The following CLIP2 variants were observed in gnomAD, a reference collection of about 807,000 sequenced individuals.
CLIP2 encodes the protein CAP-Gly domain-containing linker protein 2.
Under a neutral mutation model 111.7 loss-of-function variants are expected in CLIP2, and 41 were observed. The observed-to-expected ratio is 0.37, with a 90% CI of 0.29 to 0.48. The LOEUF is 0.48. Among genes scored for constraint, CLIP2 ranks in the 20% least tolerant of loss-of-function variants. The probability of loss-of-function intolerance (pLI) is 0.99; values close to 1 mark genes in which losing one functional copy is unlikely to be tolerated. For synonymous variants in CLIP2, 660 were observed against 644.2 expected (o/e 1.02, Z -0.37); for missense variants, 1,160 against 1,422.1 (o/e 0.82, Z 2.96).
intron 16 of CLIP2, among the ~76,000 whole-genome samples, chr7:74,402,343 AC>A (rs1464300862): frequency 2.8e-5 from 4 of 143,556 alleles, no homozygotes; most frequent in African/African-American, 1.0e-4. Context: ...AAAAAAAAAA[AC>A]CAAAAAAAAA....
intron 1 of CLIP2, among the ~76,000 whole-genome samples, chr7:74,300,748 G>A (rs1402896854): frequency 6.6e-6 from 1 of 152,194 alleles, no homozygotes; most frequent in Admixed American, 6.5e-5. Context: ...GAGCCACCGT[G>A]CCCGGCCTGA....
intron 1 of CLIP2, among the ~76,000 whole-genome samples, chr7:74,305,867 C>CG (rs1276493172): frequency 3.2e-5 from 4 of 125,100 alleles, no homozygotes; most frequent in South Asian, 3.1e-4. Flanking sequence ...CCCCCCCCAC[C>CG]GCCCCTGCTG....
At chr7:74,378,168 C>G (rs1790848684) in intron 10 of CLIP2, among the ~76,000 whole-genome samples, 1 of 150,952 alleles carries the variant, frequency 6.6e-6, no homozygotes, top group Non-Finnish European at 1.5e-5. Context: ...TGTTCTGTCT[C>G]CCAGGCTGGA....
intron 7 of CLIP2, among the ~76,000 whole-genome samples, chr7:74,361,274 A>G (rs1354270368): frequency 2.8e-5 from 4 of 145,040 alleles, no homozygotes; most frequent in Non-Finnish European, 6.0e-5. Context: ...CTGGAGTACA[A>G]TGGTGCGATC....
intron 5 of CLIP2, among the ~76,000 whole-genome samples, chr7:74,356,927 G>A (rs531546622): frequency 6.6e-6 from 1 of 152,280 alleles, no homozygotes; most frequent in South Asian, 2.1e-4. Flanking sequence ...GAAAAGAGGA[G>A]GCTGCTTGGT....
rs1277195906 is a variant in CLIP2, at chr7:74,338,738, A to C, written c.412A>C (p.Ile138Leu). ...RYFECPALQGIFTRPSKLTRQ... is the reference protein window; with the variant it reads ...RYFECPALQGLFTRPSKLTRQ... ...CTTCGAGTGCCCGGCCCTCCAGGGTATCTTCACGCGGCCCTCCAAGCTGAC... is the reference window on the plus strand; with the variant it reads ...CTTCGAGTGCCCGGCCCTCCAGGGTCTCTTCACGCGGCCCTCCAAGCTGAC... Residue 138 changes from isoleucine (I) to leucine (L), a missense_variant, in exon 3 of 17, where the codon ATC (isoleucine) becomes CTC (leucine). By Grantham distance (5) the Ile-to-Leu change is conservative. Around this residue, in one of 5 missense-constraint regions of CLIP2, gnomAD observed 301 missense variants for 315.2 expected, o/e 0.96. Transcript: ENST00000223398. The surrounding 1 kb of genome is among the most constrained non-coding windows in gnomAD (Gnocchi z 4.3). The C allele has an allele frequency of 1.3e-6, 2 of 1,598,250 alleles. No homozygotes were observed. Among genetic ancestry groups the C allele is most frequent in the Non-Finnish European group, 1.7e-6 (2 of 1,174,936 alleles).
intron 1 of CLIP2, among the ~76,000 whole-genome samples, chr7:74,311,169 TG>T (rs1168647188): frequency 6.6e-6 from 1 of 152,006 alleles, no homozygotes; most frequent in Non-Finnish European, 1.5e-5. Flanking sequence ...TTAGTAGAGA[TG>T]GGGTTTCACT....
intron 2 of CLIP2, among the ~76,000 whole-genome samples, chr7:74,322,055 G>T (rs1788972592): frequency 7.1e-6 from 1 of 141,500 alleles, no homozygotes; most frequent in Non-Finnish European, 1.5e-5. Context: ...ACGATCTCAC[G>T]ATCTCAGCTG....
rs943051585 is a variant in CLIP2, at chr7:74,332,464, T to C, written c.122-5984T>C. On this transcript the variant is annotated intron_variant, in intron 2 of 16. Transcript: ENST00000223398. Reference sequence around the variant, plus strand: ...CTCACTGCAGCCTAGAATTCTCTTTTTTTTTTTTTTTTTTTTAGAGATGGG... The same window carrying C: ...CTCACTGCAGCCTAGAATTCTCTTTCTTTTTTTTTTTTTTTTAGAGATGGG... Among the ~76,000 whole-genome samples, 316 of 145,616 alleles carry C rather than the reference T, an allele frequency of 2.2e-3. 1 individual carries two copies. Among genetic ancestry groups the C allele is most frequent in the African/African-American group, 7.3e-3 (295 of 40,182 alleles).
At chr7:74,305,785 C>T (rs781333169) in intron 1 of CLIP2, among the ~76,000 whole-genome samples, 2 of 151,824 alleles carry the variant, frequency 1.3e-5, no homozygotes, top group African/African-American at 2.4e-5. Context: ...TGAGTCACCG[C>T]ACCCGGTCAC....
chr7:74,323,874 A>AGTACTCC lies in CLIP2; in HGVS notation c.121+6207_121+6208insGTACTCC, dbSNP rs757128621. On this transcript the variant is annotated intron_variant, in intron 2 of 16. Transcript: ENST00000223398. ...TAGGTTTGTGTAAGTACACTCTGTGATGTTCACAGGACAACAAAATCGCCT... is the reference window on the plus strand; with the variant it reads ...TAGGTTTGTGTAAGTACACTCTGTGAGTACTCCTGTTCACAGGACAACAAAATCGCCT... 9.0e-4 allele frequency among the ~76,000 whole-genome samples: 137 copies of AGTACTCC among 152,354 alleles called. 1 individual carries two copies. The highest frequency in any genetic ancestry group is 1.8e-3 in the Non-Finnish European group (122 of 68,038).
chr7:74,317,152 A>C (rs1174769364), intron 1 of CLIP2, among the ~76,000 whole-genome samples: 1 of 152,222 alleles, frequency 6.6e-6, no homozygotes, highest in African/African-American at 2.4e-5. Flanking sequence ...CAAAGCTTTA[A>C]TGGTGGGAAG....
chr7:74,390,150 AAAAG>A lies in CLIP2; in HGVS notation c.2720+902_2720+905del, dbSNP rs1217287395. 2.2e-4 allele frequency among the ~76,000 whole-genome samples: 14 copies of A among 62,950 alleles called. 1 individual carries two copies. Among genetic ancestry groups the A allele is most frequent in the African/African-American group, 9.2e-4 (13 of 14,102 alleles). 41.3% of individuals were successfully genotyped at this position (62,950 alleles called of 152,430 possible). On this transcript the variant is annotated intron_variant, in intron 13 of 16. Transcript: ENST00000223398. ...AGAGAGAGAGAGAAAGAAAGAAAGA[AAAAG>A]AAAGAAAGAAGAAAGAAAGAAAGAA... is the stretch of plus-strand genomic sequence containing the variant.
intron 14 of CLIP2, among the ~76,000 whole-genome samples, chr7:74,399,477 G>A (rs886797980): frequency 1.4e-5 from 2 of 147,672 alleles, no homozygotes; most frequent in Non-Finnish European, 3.0e-5. Context: ...ATTGGAGGCT[G>A]TAATGAGCTG....
At chr7:74,400,783 C>T (rs1791596654) in intron 15 of CLIP2, among the ~76,000 whole-genome samples, 1 of 151,530 alleles carries the variant, frequency 6.6e-6, no homozygotes, top group African/African-American at 2.4e-5. Context: ...GGGGAGGCAG[C>T]CCTGTCTCAG....
At chr7:74,294,836 T>A (rs552723528) in intron 1 of CLIP2, among the ~76,000 whole-genome samples, 7 of 152,296 alleles carry the variant, frequency 4.6e-5, no homozygotes, top group Admixed American at 1.3e-4. Flanking sequence ...CTTTGATGCC[T>A]AGTGGAGCTG....
In CLIP2 at chr7:74,357,494, G is replaced by A; in HGVS notation, c.1215+17G>A. 1 of 1,601,200 alleles carries A rather than the reference G, an allele frequency of 6.2e-7. No individual in the cohort carries two copies. Among genetic ancestry groups the A allele is most frequent in the East Asian group, 2.3e-5 (1 of 44,208 alleles). On this transcript the variant is annotated intron_variant, in intron 6 of 16. Coordinates refer to ENST00000223398, the MANE Select transcript of CLIP2 (RefSeq NM_003388.5). Reference sequence around the variant, plus strand: ...CATGAGCAGGTGAGTGGCAGGTGGGGCTGGGGGCAGAGCTTCTCCAGCCAG... The same window carrying A: ...CATGAGCAGGTGAGTGGCAGGTGGGACTGGGGGCAGAGCTTCTCCAGCCAG...
chr7:74,355,630 A>C (rs1790122627), intron 4 of CLIP2, among the ~76,000 whole-genome samples: 1 of 152,072 alleles, frequency 6.6e-6, no homozygotes, highest in Non-Finnish European at 1.5e-5. Context: ...AAAAAACTGG[A>C]TGGGCCCAGT....
At chr7:74,311,877 A>G (rs1409822414) in intron 1 of CLIP2, among the ~76,000 whole-genome samples, 1 of 150,636 alleles carries the variant, frequency 6.6e-6, no homozygotes, top group Non-Finnish European at 1.5e-5. Flanking sequence ...GTGTCACTGC[A>G]CTCCAGCCTG....
Sources: gnomAD v4.1 joint callset for allele counts (sites outside exome capture counted in the v4.1 genomes callset) on GRCh38, gnomAD v4.1.1 for gene constraint, gnomAD v4.1.1 regional missense constraint, Gnocchi (gnomAD v3.1) non-coding constraint, MANE v1.5 for transcripts, NCBI Gene and HGNC (gene_info 2026-07-23, HGNC 2026-07-21) for gene names.